The following STPG2 variants were observed in gnomAD, a reference collection of about 807,000 sequenced individuals.
STPG2 encodes the protein sperm-tail PG-rich repeat-containing protein 2.
Under a neutral mutation model 54.2 loss-of-function variants are expected in STPG2, and 56 were observed. The ratio of observed to expected loss-of-function variants is 1.03; its 90% CI spans 0.83 to 1.29. STPG2 has a LOEUF of 1.29. Among genes scored for constraint, STPG2 ranks in the 50% most tolerant of loss-of-function variants. The pLI is 0.00. For synonymous variants in STPG2, 200 were observed against 181.8 expected (o/e 1.10, Z -0.81); for missense variants, 596 against 544.9 (o/e 1.09, Z -0.93).
At chr4:98,081,582 T>G (rs1481376928) in intron 5 of STPG2, among the ~76,000 whole-genome samples, 1 of 152,252 alleles carries the variant, frequency 6.6e-6, no homozygotes, top group Non-Finnish European at 1.5e-5. Context: ...CATGAACTAT[T>G]ATTCTGACAT....
chr4:97,740,873 C>T (rs1245799426), intron 9 of STPG2, among the ~76,000 whole-genome samples: 1 of 152,078 alleles, frequency 6.6e-6, no homozygotes, highest in Non-Finnish European at 1.5e-5. Context: ...CTTTAAAGTT[C>T]ATATGGAACC....
At chr4:97,786,837 T>G (rs1402401605) in intron 9 of STPG2, among the ~76,000 whole-genome samples, 1 of 152,098 alleles carries the variant, frequency 6.6e-6, no homozygotes, top group African/African-American at 2.4e-5. Context: ...GTTATCAAAT[T>G]GACTATGGCA....
rs1739276082 is a variant in STPG2 at position 98,109,234 on chromosome 4, A to G, written c.459T>C (p.Pro153=). The G allele has an allele frequency of 6.2e-7, 1 of 1,611,176 alleles. No homozygotes were observed. Among genetic ancestry groups the G allele is most frequent in the Admixed American group, 1.7e-5 (1 of 59,840 alleles). Residue 153 remains proline, a synonymous_variant, in exon 4 of 11, where the codon CCT becomes CCC. Transcript: ENST00000295268. The stretch of plus-strand genomic sequence containing the variant: ...GTCCTGGACCAGGACCTGACTTTTT[A>G]GGTAACTCTTGTCTTCCTGAAGAGT... ...FGNSSGRQEL[P]KKSGPGPGQY...
At chr4:97,890,527 C>T (rs1730727796) in intron 8 of STPG2, among the ~76,000 whole-genome samples, 2 of 151,378 alleles carry the variant, frequency 1.3e-5, no homozygotes, top group African/African-American at 2.4e-5. Flanking sequence ...AAAGGCAACC[C>T]ACATTTAATA....
In STPG2 at chr4:98,040,740, G is replaced by A. The variant is rs571080176; in HGVS notation, c.613-59422C>T. Among the ~76,000 whole-genome samples, 6 of 151,700 alleles carry A rather than the reference G, an allele frequency of 4.0e-5. No homozygotes were observed. The South Asian group carries it at 1.0e-3, about 26-fold the overall frequency. ...TAGCCTTGTATTAAGACTATAATTC[G>A]AAGTCAGACAATGTGATGTCTCCTG... On this transcript the variant is annotated intron_variant, in intron 5 of 10. Transcript: ENST00000295268.
intron 7 of STPG2, among the ~76,000 whole-genome samples, chr4:97,971,586 G>C (rs957941327): frequency 3.3e-5 from 5 of 152,046 alleles, no homozygotes; most frequent in African/African-American, 4.8e-5. Context: ...CTCATAGATG[G>C]GAATTAAACA....
chr4:97,795,538 T>G (rs1474777729), intron 9 of STPG2, among the ~76,000 whole-genome samples: 1 of 152,238 alleles, frequency 6.6e-6, no homozygotes, highest in African/African-American at 2.4e-5. Context: ...ATCTTTTTTA[T>G]GGCAGCATAG....
chr4:97,923,298 T>TCC (rs1236397805), intron 8 of STPG2, among the ~76,000 whole-genome samples: 1 of 102,688 alleles, frequency 9.7e-6, no homozygotes. Flanking sequence ...GCGCTTCCCC[T>TCC]CCCACCCCCC....
intron 10 of STPG2, among the ~76,000 whole-genome samples, chr4:97,711,541 T>C (rs1184562556): frequency 1.3e-5 from 2 of 152,194 alleles, no homozygotes; most frequent in Non-Finnish European, 2.9e-5. Flanking sequence ...TTAGTCTTTG[T>C]CTTTTGGAGG....
At chr4:98,060,033 A>G (rs1283265307) in intron 5 of STPG2, among the ~76,000 whole-genome samples, 1 of 152,138 alleles carries the variant, frequency 6.6e-6, no homozygotes, top group Non-Finnish European at 1.5e-5. Context: ...CACCACTCCT[A>G]CTCAACATAT....
intron 4 of STPG2, chr4:97,441,500 C>T (rs964754207): frequency 4.0e-5 from 6 of 151,870 alleles, no homozygotes; most frequent in African/African-American, 1.4e-4. Context: ...TGTCAGCTTA[C>T]GTTTATATTA....
rs1736408803 is a variant in STPG2, at chr4:98,026,044, G to T, written c.613-44726C>A. On this transcript the variant is annotated intron_variant, in intron 5 of 10. Transcript: ENST00000295268. ...AAGATGAAGATAATTACAAGAAACA[G>T]TTCTCTCAATACATAAAGAACAGAG... 1.9e-5 allele frequency: 20 copies of T among 1,065,294 alleles called. 1 individual carries two copies. In the South Asian group the frequency reaches 2.7e-4, roughly 14 times the overall value. 66.0% of individuals were successfully genotyped at this position (1,065,294 alleles called of 1,614,324 possible). A position where few individuals can be genotyped will look rare whatever the true frequency, so the allele number is the denominator to read the frequency against.
chr4:97,850,456 ATT>A (rs142275693), intron 8 of STPG2, among the ~76,000 whole-genome samples: 24,311 of 150,512 alleles, frequency 0.16, 2,107 homozygotes, highest in East Asian at 0.36. Flanking sequence ...TAATTTTACC[ATT>A]TTTTTTTGTT....
At chr4:97,567,055 T>G (rs1732471469) in intron 10 of STPG2, among the ~76,000 whole-genome samples, 1 of 151,662 alleles carries the variant, frequency 6.6e-6, no homozygotes, top group Admixed American at 6.6e-5. Flanking sequence ...AATAAATAAA[T>G]AAAAGAAAGA....
chr4:97,566,890 T>G lies in STPG2; in HGVS notation c.1321-7773A>C, dbSNP rs561406068. Among the ~76,000 whole-genome samples the G allele has an allele frequency of 8.5e-3, 596 of 70,436 alleles. 2 individuals are homozygous for G. The highest frequency in any genetic ancestry group is 0.033 in the South Asian group (67 of 2,002). The allele number at this position is 70,436 out of a possible 152,430, so 46.2% of individuals were successfully genotyped here. A position where few individuals can be genotyped will look rare whatever the true frequency, so the allele number is the denominator to read the frequency against. On this transcript the variant is annotated intron_variant, in intron 10 of 10. Coordinates refer to ENST00000295268, the MANE Select transcript of STPG2 (RefSeq NM_174952.3). ...CACTCTGGGGACTGTTGTGGGGTGG[T>G]GGGAGGGGGGAGGGATAGCTTTAGG...
At chr4:97,904,011 C>G (rs149264685) in intron 8 of STPG2, among the ~76,000 whole-genome samples, 1 of 152,158 alleles carries the variant, frequency 6.6e-6, no homozygotes, top group African/African-American at 2.4e-5. Flanking sequence ...AAGGCAGCAG[C>G]GAGGCTGGGG....
intron 8 of STPG2, among the ~76,000 whole-genome samples, chr4:97,862,550 T>A (rs1418704823): frequency 1.3e-5 from 2 of 151,976 alleles, no homozygotes; most frequent in African/African-American, 4.8e-5. Flanking sequence ...GACAGAGAGT[T>A]AATAAGGATA....
Position 98,134,397 on chromosome 4 carries a change from T to A in STPG2, c.172A>T (p.Ile58Phe), listed in dbSNP as rs1178004977. ...RESTFTIASS[I>F]EKAVPGPGHY... ...CCTGGACCTGGAACAGCTTTCTCAA[T>A]GCTAGAGGCAATGGTAAAAGTACTT... Residue 58 changes from isoleucine to phenylalanine, a missense_variant, in exon 2 of 11, where the codon ATT (isoleucine) becomes TTT (phenylalanine). By Grantham distance (21) the Ile-to-Phe change is conservative. Coordinates refer to ENST00000295268, the MANE Select transcript of STPG2 (RefSeq NM_174952.3). 6.3e-7 allele frequency: 1 copy of A among 1,588,956 alleles called. No homozygotes were observed. The highest frequency in any genetic ancestry group is 1.4e-5 in the African/African-American group (1 of 73,898).
At chr4:97,608,668 T>C (rs1341802619) in intron 10 of STPG2, among the ~76,000 whole-genome samples, 3 of 152,050 alleles carry the variant, frequency 2.0e-5, no homozygotes, top group Non-Finnish European at 4.4e-5. Flanking sequence ...TTTCAGAAAA[T>C]TAAGCAGGAG....
Sources: allele counts gnomAD v4.1 joint callset (sites outside exome capture counted in the v4.1 genomes callset), GRCh38; gene constraint gnomAD v4.1.1; transcripts MANE v1.5; gene names NCBI Gene and HGNC (gene_info 2026-07-23, HGNC 2026-07-21).